Variants in CACNA1D observed in about 807,000 individuals in gnomAD.
CACNA1D encodes the protein calcium voltage-gated channel subunit alpha1 D, also known as voltage-dependent L-type calcium channel subunit alpha-1D.
A neutral mutation model predicts 257.1 loss-of-function variants in CACNA1D; 55 were observed. The observed-to-expected ratio is 0.21, with a 90% CI of 0.17 to 0.27. CACNA1D has a LOEUF of 0.27. CACNA1D is among the 10% of genes least tolerant of loss of function. The pLI is 1.00. For missense variants in CACNA1D, 1,876 were observed against 2,784.0 expected (o/e 0.67, Z 7.34); for synonymous variants, 980 against 1,014.9 (o/e 0.97, Z 0.65).
At chr3:53,749,699 T>C (rs1324543712) in intron 27 of CACNA1D, among the ~76,000 whole-genome samples, 1 of 152,206 alleles carries the variant, frequency 6.6e-6, no homozygotes, top group African/African-American at 2.4e-5. Context: ...CCAGACCTGG[T>C]GGTATGAAAT....
intron 3 of CACNA1D, among the ~76,000 whole-genome samples, chr3:53,614,523 C>T (rs568092798): frequency 6.6e-6 from 1 of 152,326 alleles, no homozygotes; most frequent in South Asian, 2.1e-4. Context: ...GGCAGGTACA[C>T]TGCAGGAGTG....
intron 4 of CACNA1D, among the ~76,000 whole-genome samples, chr3:53,655,133 A>G (rs1192799957): frequency 6.6e-6 from 1 of 152,198 alleles, no homozygotes; most frequent in African/African-American, 2.4e-5. Context: ...CCACGTGCCC[A>G]CAAAAGAAAT....
intron 3 of CACNA1D, among the ~76,000 whole-genome samples, chr3:53,511,964 C>A (rs2091131526): frequency 6.6e-6 from 1 of 152,068 alleles, no homozygotes; most frequent in East Asian, 1.9e-4. Context: ...AATAAGAAAT[C>A]CTTGAATATT....
At chr3:53,554,007 T>C (rs544132482) in intron 3 of CACNA1D, among the ~76,000 whole-genome samples, 29 of 151,748 alleles carry the variant, frequency 1.9e-4, no homozygotes, top group Non-Finnish European at 3.5e-4. Context: ...CCATCCTGGC[T>C]AACACAGTGA....
At chr3:53,602,796 C>CT (rs112085861) in intron 3 of CACNA1D, among the ~76,000 whole-genome samples, 19 of 152,132 alleles carry the variant, frequency 1.2e-4, no homozygotes, top group African/African-American at 3.4e-4. Context: ...TTAAATTGGG[C>CT]TTTTTTTTCC....
chr3:53,747,781 CCATTCATTCATTCATT>C lies in CACNA1D; in HGVS notation c.3314+355_3314+370del, dbSNP rs3082680. ...AAGAGGGTCTGAATGGTGTCCCAAACCATTCATTCATTCATTCATTCATTCATTCATTCATTCTAAT... is the reference window on the plus strand; with the variant it reads ...AAGAGGGTCTGAATGGTGTCCCAAACCATTCATTCATTCATTCATTCTAAT... On this transcript the variant is annotated intron_variant, in intron 26 of 47. Coordinates refer to ENST00000350061, the MANE Select transcript of CACNA1D (RefSeq NM_001128840.3). 6.5e-3 allele frequency among the ~76,000 whole-genome samples: 976 copies of C among 150,602 alleles called. 11 individuals are homozygous for C. The highest frequency in any genetic ancestry group is 0.023 in the African/African-American group (934 of 41,000).
chr3:53,803,479 A>T lies in CACNA1D; in HGVS notation c.5492A>T (p.His1831Leu). Reference sequence around the variant, plus strand: ...ATTTGCCGGGAAGACCCAGAGATACATGGCTATTTCAGGGACCCCCACTGC... The same window carrying T: ...ATTTGCCGGGAAGACCCAGAGATACTTGGCTATTTCAGGGACCCCCACTGC... ...PTICREDPEI[H>L]GYFRDPHCLG... Residue 1831 changes from histidine to leucine, a missense_variant, in exon 44 of 48, where the codon CAT becomes CTT. Physicochemically the swap from His to Leu is moderately conservative, Grantham distance 99. Around this residue, in one of 10 missense-constraint regions of CACNA1D, gnomAD observed 491 missense variants for 554.3 expected, o/e 0.89. Transcript: ENST00000350061. 6.2e-7 allele frequency: 1 copy of T among 1,614,048 alleles called. No individual in the cohort carries two copies. The highest frequency in any genetic ancestry group is 8.5e-7 in the Non-Finnish European group (1 of 1,179,858).
At chr3:53,527,091 A>G (rs976350138) in intron 3 of CACNA1D, among the ~76,000 whole-genome samples, 3 of 152,230 alleles carry the variant, frequency 2.0e-5, no homozygotes, top group Non-Finnish European at 1.5e-5. Flanking sequence ...TTTCGTGTCC[A>G]TTCTCTCATT....
intron 3 of CACNA1D, among the ~76,000 whole-genome samples, chr3:53,605,158 G>A (rs186833068): frequency 9.8e-5 from 15 of 152,332 alleles, no homozygotes; most frequent in Non-Finnish European, 2.1e-4. Flanking sequence ...TTCACACACT[G>A]CATAGCAGTT....
chr3:53,747,968 A>T (rs545885169), intron 26 of CACNA1D, among the ~76,000 whole-genome samples: 8 of 152,318 alleles, frequency 5.3e-5, no homozygotes, highest in Non-Finnish European at 7.4e-5. Context: ...GCGTGCTTAG[A>T]TACCAGCTCT....
chr3:53,673,517 GT>G lies in CACNA1D; in HGVS notation c.1220+392del, dbSNP rs1163900857. ...AGCTGGATTGGGTGGGCTTTTGGTAGTCCCCATTTGTAGATTTCAGCCGCTG... is the reference window on the plus strand; with the variant it reads ...AGCTGGATTGGGTGGGCTTTTGGTAGCCCCATTTGTAGATTTCAGCCGCTG... On this transcript the variant is annotated intron_variant, in intron 8 of 47. Transcript: ENST00000350061. This position sits in a 1 kb window ranked among gnomAD's most constrained non-coding sequence, Gnocchi z 4.1. Among the ~76,000 whole-genome samples, 1 of 150,190 alleles carries G rather than the reference GT, an allele frequency of 6.7e-6. No homozygotes were observed. The highest frequency in any genetic ancestry group is 1.5e-5 in the Non-Finnish European group (1 of 67,836).
At chr3:53,709,317 A>G (rs552584484) in intron 9 of CACNA1D, among the ~76,000 whole-genome samples, 76 of 152,346 alleles carry the variant, frequency 5.0e-4, no homozygotes, top group African/African-American at 1.7e-3. Flanking sequence ...AAACTAAAGC[A>G]CAAAGCAGTT....
At chr3:53,598,438 G>T (rs2093399100) in intron 3 of CACNA1D, among the ~76,000 whole-genome samples, 1 of 151,464 alleles carries the variant, frequency 6.6e-6, no homozygotes, top group Non-Finnish European at 1.5e-5. Flanking sequence ...CCAAAAATTA[G>T]TTTGGGCATG....
At chr3:53,761,044 A>G (rs1447782588) in intron 29 of CACNA1D, among the ~76,000 whole-genome samples, 1 of 152,232 alleles carries the variant, frequency 6.6e-6, no homozygotes, top group Non-Finnish European at 1.5e-5. Flanking sequence ...AGGTTCCATC[A>G]GGGAACATTT....
chr3:53,554,056 C>T (rs919226348), intron 3 of CACNA1D, among the ~76,000 whole-genome samples: 3 of 151,746 alleles, frequency 2.0e-5, no homozygotes, highest in South Asian at 2.1e-4. Flanking sequence ...ATTAGCTGGG[C>T]GTGGTGGTGG....
intron 4 of CACNA1D, among the ~76,000 whole-genome samples, chr3:53,657,523 G>A (rs149964657): frequency 1.1e-3 from 174 of 152,184 alleles, no homozygotes; most frequent in African/African-American, 3.9e-3. Context: ...TTAAATGAGT[G>A]TGTTTTATTA....
intron 3 of CACNA1D, among the ~76,000 whole-genome samples, chr3:53,543,415 T>C (rs1237249638): frequency 6.6e-6 from 1 of 152,210 alleles, no homozygotes; most frequent in Non-Finnish European, 1.5e-5. Context: ...GTATTTGTTG[T>C]TCTCCAAATG....
intron 35 of CACNA1D, 125 bp downstream of exon 35, chr3:53,776,170 T>G (rs2095395907): frequency 1.1e-6 from 1 of 894,572 alleles, no homozygotes; most frequent in Non-Finnish European, 1.8e-6. Flanking sequence ...CACTCTGGAC[T>G]CCACTTGGCA....
intron 3 of CACNA1D, among the ~76,000 whole-genome samples, chr3:53,537,451 C>A (rs989988729): frequency 3.9e-5 from 6 of 152,070 alleles, no homozygotes; most frequent in African/African-American, 1.4e-4. Context: ...GGTATATCAG[C>A]AAATCTCAGG....
Sources: allele counts gnomAD v4.1 joint callset (sites outside exome capture counted in the v4.1 genomes callset), GRCh38; gene constraint gnomAD v4.1.1; regional missense constraint gnomAD v4.1.1; non-coding constraint Gnocchi (gnomAD v3.1); transcripts MANE v1.5; gene names NCBI Gene and HGNC (gene_info 2026-07-23, HGNC 2026-07-21).